Variants in PPP1R36 observed in about 807,000 individuals in gnomAD.
PPP1R36 encodes the protein protein phosphatase 1 regulatory subunit 36, also known as chromosome 14 open reading frame 50.
A neutral mutation model predicts 53.4 loss-of-function variants in PPP1R36; 47 were observed. The observed-to-expected ratio is 0.88, with a 90% confidence interval of 0.70 to 1.12. The LOEUF is 1.12. Among genes scored for constraint, PPP1R36 ranks in the 50% most tolerant of loss-of-function variants. PPP1R36 has a pLI of 0.00. For synonymous variants in PPP1R36, 153 were observed against 170.5 expected (o/e 0.90, Z 0.80); for missense variants, 456 against 513.9 (o/e 0.89, Z 1.09).
chr14:64,550,033 G>A lies in PPP1R36; in HGVS notation c.36G>A (p.Lys12=). ...YRVPEFYARR[K]RLGGQTPYLM... ...TGCCCGAGTTTTATGCGAGGAGGAA[G>A]CGGTTAGGTGGGCAGACCCCTTACT... Residue 12 remains lysine, a synonymous_variant, in exon 1 of 12, where the codon AAG becomes AAA. Transcript: ENST00000298705. The A allele has an allele frequency of 6.4e-7, 1 of 1,574,318 alleles. No homozygotes were observed. The highest frequency in any genetic ancestry group is 8.6e-7 in the Non-Finnish European group (1 of 1,159,818).
At chr14:64,556,000 A>G (rs1381663768) in intron 3 of PPP1R36, among the ~76,000 whole-genome samples, 1 of 152,204 alleles carries the variant, frequency 6.6e-6, no homozygotes, top group East Asian at 1.9e-4. Context: ...TTGTATACCC[A>G]AAGACCACCA....
chr14:64,578,026 T>C (rs1596743148), intron 8 of PPP1R36, among the ~76,000 whole-genome samples: 2 of 149,560 alleles, frequency 1.3e-5, no homozygotes, highest in African/African-American at 4.9e-5. Context: ...CACCTGGCCT[T>C]TTTTTTTTGA....
At chr14:64,565,949 C>T (rs763105666) in intron 6 of PPP1R36, among the ~76,000 whole-genome samples, 3 of 152,128 alleles carry the variant, frequency 2.0e-5, no homozygotes, top group Non-Finnish European at 4.4e-5. Flanking sequence ...ATGGACTGTG[C>T]TATTTTTATA....
intron 3 of PPP1R36, among the ~76,000 whole-genome samples, chr14:64,556,601 ATTTTTTTTTT>A (rs753994540): frequency 2.4e-5 from 3 of 122,876 alleles, no homozygotes; most frequent in Non-Finnish European, 4.9e-5. Flanking sequence ...TGTTCCCACA[ATTTTTTTTTT>A]TTTTTTTTTT....
At position 64,576,198 on chromosome 14, in the gene PPP1R36, G is replaced by A. The variant is rs28407935; in HGVS notation, c.668+1609G>A. 2.9e-3 allele frequency among the ~76,000 whole-genome samples: 432 copies of A among 148,946 alleles called. 3 individuals carry two copies. The highest frequency in any genetic ancestry group is 0.01 in the African/African-American group (407 of 40,392). ...CAGGTTCAAGTGATTCTCCTGTCTC[G>A]GCCTCCCGAGTAGCTGGGATTACAG... is the stretch of plus-strand genomic sequence containing the variant. On this transcript the variant is annotated intron_variant, in intron 8 of 11. Transcript: ENST00000298705.
chr14:64,556,925 C>T (rs1189368482), intron 3 of PPP1R36, among the ~76,000 whole-genome samples: 5 of 151,938 alleles, frequency 3.3e-5, no homozygotes, highest in Non-Finnish European at 7.4e-5. Flanking sequence ...AGCGATCCTC[C>T]CACTTCAGCC....
At chr14:64,567,860 G>A (rs1300208128) in intron 6 of PPP1R36, among the ~76,000 whole-genome samples, 2 of 151,728 alleles carry the variant, frequency 1.3e-5, no homozygotes, top group Non-Finnish European at 2.9e-5. Context: ...ATGGGGTTTC[G>A]CCAGGCTGGT....
At chr14:64,560,103 CAAAAAAAA>C (rs1171697200) in intron 3 of PPP1R36, among the ~76,000 whole-genome samples, 2 of 27,478 alleles carry the variant, frequency 7.3e-5, no homozygotes, top group Non-Finnish European at 1.5e-4. Context: ...GAATCTGTCA[CAAAAAAAA>C]AAAAAAAAAA....
intron 8 of PPP1R36, among the ~76,000 whole-genome samples, chr14:64,579,698 C>T (rs184096188): frequency 1.4e-4 from 22 of 152,300 alleles, no homozygotes; most frequent in Admixed American, 7.8e-4. Context: ...GGGCCAGGCG[C>T]GGTGGCTCAC....
rs1370874719 is a variant in PPP1R36 at position 64,550,941 on chromosome 14, G to T, written c.90G>T (p.Gly30=). 2.5e-6 allele frequency: 4 copies of T among 1,610,008 alleles called. No homozygotes were observed. The highest frequency in any genetic ancestry group is 3.4e-6 in the Non-Finnish European group (4 of 1,178,432). Residue 30 remains glycine, a synonymous_variant, in exon 2 of 12, where the codon GGG becomes GGT. Transcript: ENST00000298705. ...YLMDQLGLRL[G]MWYWKDETRT... ...TACAGCAGTTGGGATTACGATTAGG[G>T]ATGTGGTACTGGAAAGATGAAACCA...
intron 3 of PPP1R36, among the ~76,000 whole-genome samples, chr14:64,564,502 A>G (rs760089878): frequency 7.9e-5 from 12 of 152,208 alleles, no homozygotes; most frequent in African/African-American, 2.4e-4. Context: ...AGTTACTACA[A>G]TATTTTTCAG....
intron 1 of PPP1R36, 154 bp downstream of exon 1, chr14:64,550,220 C>CTA: frequency 3.6e-6 from 5 of 1,370,302 alleles, no homozygotes; most frequent in Non-Finnish European, 3.8e-6. Context: ...CCATATTTGC[C>CTA]TAGAAAAAAA....
intron 8 of PPP1R36, among the ~76,000 whole-genome samples, chr14:64,579,895 G>A (rs915691186): frequency 1.3e-5 from 2 of 152,198 alleles, no homozygotes; most frequent in Non-Finnish European, 2.9e-5. Context: ...GCGTGAACCT[G>A]GGAGGCGCAG....
At chr14:64,564,670 A>G (rs1486489288) in intron 3 of PPP1R36, 81 bp from the exon 4 acceptor site, 7 of 925,412 alleles carry the variant, frequency 7.6e-6, no homozygotes, top group Non-Finnish European at 1.2e-5. Flanking sequence ...ATGCTAGTCC[A>G]AAGATTATGA....
At chr14:64,580,457 C>T (rs961490358) in intron 8 of PPP1R36, among the ~76,000 whole-genome samples, 1 of 152,166 alleles carries the variant, frequency 6.6e-6, no homozygotes, top group Admixed American at 6.5e-5. Context: ...ATAGAGCCTC[C>T]ACTGAAGTAA....
intron 2 of PPP1R36, among the ~76,000 whole-genome samples, chr14:64,552,257 G>A (rs1270343420): frequency 6.6e-6 from 1 of 152,208 alleles, no homozygotes; most frequent in Admixed American, 6.5e-5. Context: ...GGGAGGCTGA[G>A]GCGGGCAGAT....
intron 3 of PPP1R36, among the ~76,000 whole-genome samples, chr14:64,553,420 C>T (rs1191173011): frequency 2.0e-5 from 3 of 151,986 alleles, no homozygotes; most frequent in South Asian, 4.1e-4. Context: ...TTTGTTTGTT[C>T]CCAAATTGTT....
At chr14:64,565,997 C>T (rs1008107849) in intron 6 of PPP1R36, among the ~76,000 whole-genome samples, 15 of 152,306 alleles carry the variant, frequency 9.8e-5, no homozygotes, top group African/African-American at 2.2e-4. Flanking sequence ...TGGCCAGGTG[C>T]GGTGGCTCAC....
chr14:64,588,989 T>A (rs1290635670), intron 11 of PPP1R36, among the ~76,000 whole-genome samples, 163 bp from the exon 12 acceptor site: 2 of 152,158 alleles, frequency 1.3e-5, no homozygotes, highest in African/African-American at 4.8e-5. Flanking sequence ...ACAGTGGTAG[T>A]TCATGGAAAC....
Sources: allele counts gnomAD v4.1 joint callset (sites outside exome capture counted in the v4.1 genomes callset), GRCh38; gene constraint gnomAD v4.1.1; transcripts MANE v1.5; gene names NCBI Gene and HGNC (gene_info 2026-07-23, HGNC 2026-07-21).